Variants in CCNH observed in about 807,000 individuals in gnomAD.
CCNH encodes the protein cyclin H.
A neutral mutation model predicts 41.9 loss-of-function variants in CCNH; 31 were observed. The ratio of observed to expected loss-of-function variants is 0.74; its 90% CI spans 0.56 to 1.00. The LOEUF is 1.00. Ranked by LOEUF, CCNH falls within the 50% of genes least tolerant of loss-of-function variation. The pLI, the probability that CCNH is intolerant of heterozygous loss-of-function variation, is 0.00. For synonymous variants in CCNH, 138 were observed against 136.1 expected, an observed-to-expected ratio of 1.01 and a Z score of -0.10; for missense variants, 362 against 388.4, an observed-to-expected ratio of 0.93 and a Z score of 0.57.
intron 7 of CCNH, among the ~76,000 whole-genome samples, chr5:87,398,240 G>A (rs1333093595): frequency 1.3e-5 from 2 of 152,146 alleles, no homozygotes; most frequent in African/African-American, 2.4e-5. Flanking sequence ...TCCTAAGTCC[G>A]TAGATATTCC....
chr5:87,367,838 A>G (rs989180097), intron 9 of CCNH, among the ~76,000 whole-genome samples: 3 of 152,082 alleles, frequency 2.0e-5, no homozygotes, highest in South Asian at 2.1e-4. Flanking sequence ...TTGTCATTCA[A>G]ATTGTTTCTG....
intron 9 of CCNH, among the ~76,000 whole-genome samples, chr5:87,358,467 T>G (rs1009453126): frequency 5.9e-5 from 9 of 152,178 alleles, no homozygotes; most frequent in Non-Finnish European, 1.2e-4. Flanking sequence ...CTTCCTGTAC[T>G]TTATATCTAA....
downstream of CCNH, chr5:87,374,370 A>G: frequency 6.5e-7 from 1 of 1,533,908 alleles, no homozygotes; most frequent in South Asian, 1.1e-5. Context: ...ACCATATTGC[A>G]TTTCTTTCTG....
chr5:87,389,474 G>A (rs758894954), downstream of CCNH: 17 of 1,614,156 alleles, frequency 1.1e-5, no homozygotes, highest in South Asian at 3.3e-5. Flanking sequence ...TGAGATTTGC[G>A]TGGCTCATTC....
chr5:87,346,226 AAAGT>A (rs1193388499), intron 9 of CCNH, among the ~76,000 whole-genome samples: 1 of 152,050 alleles, frequency 6.6e-6, no homozygotes, highest in African/African-American at 2.4e-5. Context: ...GACTTTCAGC[AAAGT>A]AAGAGTCAAT....
chr5:87,409,709 G>T (rs1025238671), intron 2 of CCNH, among the ~76,000 whole-genome samples: 8 of 151,494 alleles, frequency 5.3e-5, no homozygotes, highest in African/African-American at 1.9e-4. Context: ...GATAAATTCA[G>T]GAAGAAAAAT....
chr5:87,389,047 T>C (rs1418734400), downstream of CCNH, among the ~76,000 whole-genome samples: 2 of 152,212 alleles, frequency 1.3e-5, no homozygotes, highest in Non-Finnish European at 2.9e-5. Context: ...CCATCATTAA[T>C]ACTGAATATT....
At chr5:87,379,130 T>G (rs912841283), upstream of CCNH, among the ~76,000 whole-genome samples, 2 of 152,206 alleles carry the variant, frequency 1.3e-5, no homozygotes, top group Non-Finnish European at 2.9e-5. Flanking sequence ...TTTTTGACAA[T>G]GGACACTGGG....
At chr5:87,412,490 G>A in intron 1 of CCNH, 188 bp downstream of exon 1, 3 of 1,424,310 alleles carry the variant, frequency 2.1e-6, no homozygotes, top group Non-Finnish European at 2.7e-6. Flanking sequence ...CGACGACGGG[G>A]ATGGCGTTGT....
intron 7 of CCNH, among the ~76,000 whole-genome samples, chr5:87,395,696 A>C (rs1399642317): frequency 7.9e-5 from 12 of 152,072 alleles, no homozygotes; most frequent in Non-Finnish European, 1.3e-4. Context: ...ATGTGGCGAA[A>C]CCTCGTCTCT....
chr5:87,373,451 G>C (rs1261654734), downstream of CCNH, among the ~76,000 whole-genome samples: 1 of 151,970 alleles, frequency 6.6e-6, no homozygotes, highest in Non-Finnish European at 1.5e-5. Context: ...GGAGGGTCTT[G>C]GAATCAGTCC....
rs533254382 is a variant in CCNH, at chr5:87,394,888, A to G, written c.933+156T>C. 5.1e-5 allele frequency: 73 copies of G among 1,428,672 alleles called. 1 individual carries two copies. The South Asian group carries it at 1.1e-3, about 21-fold the overall frequency. The allele number at this position is 1,428,672 out of a possible 1,614,324, so 88.5% of individuals were successfully genotyped here. A position where few individuals can be genotyped will look rare whatever the true frequency, so the allele number is the denominator to read the frequency against. On this transcript the variant is annotated intron_variant, in intron 8 of 8. Transcript: ENST00000256897. ...AGAAGAGAGAAAAATCCCTTTAATA[A>G]TGGACAACAGTACTGTACGTAAGGA... is the stretch of plus-strand genomic sequence containing the variant.
chr5:87,349,870 T>C (rs1360267043), intron 9 of CCNH, among the ~76,000 whole-genome samples: 1 of 151,886 alleles, frequency 6.6e-6, no homozygotes, highest in African/African-American at 2.4e-5. Flanking sequence ...AAACTCAGAA[T>C]GAATTATAGT....
chr5:87,394,113 T>C (rs1762728858), downstream of CCNH: 1 of 326,792 alleles, frequency 3.1e-6, no homozygotes, highest in Non-Finnish European at 4.7e-6. Flanking sequence ...TTAACACTTT[T>C]AAAGCTGGCT....
Position 87,412,716 on chromosome 5 carries a change from T to G in CCNH, c.79A>C (p.Asn27His). ...ACGGCTTTGCATCTGAATTTGCGGT[T>G]GGCGTCAGCCCGCAGTCTTGCCAGC... Reference protein sequence around the residue: ...EQLARLRADANRKFRCKAVAN... With the variant: ...EQLARLRADAHRKFRCKAVAN... Residue 27 changes from asparagine to histidine, a missense_variant, in exon 1 of 9, where the codon AAC (asparagine) becomes CAC (histidine). Asn to His is a moderately conservative substitution (Grantham distance 68). Transcript: ENST00000256897. 1 of 1,614,196 alleles carries G rather than the reference T, an allele frequency of 6.2e-7. No individual in the cohort carries two copies. The highest frequency in any genetic ancestry group is 2.2e-5 in the East Asian group (1 of 44,874).
intron 9 of CCNH, among the ~76,000 whole-genome samples, chr5:87,337,475 A>G (rs962546652): frequency 7.2e-5 from 11 of 152,114 alleles, no homozygotes; most frequent in African/African-American, 2.7e-4. Flanking sequence ...TGACATAAGC[A>G]TCTACATCAT....
At chr5:87,320,282 A>G (rs917831611) in intron 9 of CCNH, among the ~76,000 whole-genome samples, 7 of 152,152 alleles carry the variant, frequency 4.6e-5, no homozygotes, top group Admixed American at 3.9e-4. Context: ...GCCTCTGCCT[A>G]TTACCCAGTT....
At chr5:87,368,576 A>T (rs1039961871) in intron 9 of CCNH, among the ~76,000 whole-genome samples, 2 of 152,210 alleles carry the variant, frequency 1.3e-5, no homozygotes, top group African/African-American at 2.4e-5. Context: ...TAGGGTTAGT[A>T]CATCTTGTAA....
downstream of CCNH, among the ~76,000 whole-genome samples, chr5:87,374,530 A>C (rs542227085): frequency 3.7e-5 from 5 of 136,452 alleles, no homozygotes; most frequent in South Asian, 1.2e-3. Context: ...TTTTCCACTT[A>C]GTTATTAACA....
Sources: allele counts gnomAD v4.1 joint callset (sites outside exome capture counted in the v4.1 genomes callset), GRCh38; gene constraint gnomAD v4.1.1; transcripts MANE v1.5; gene names NCBI Gene and HGNC (gene_info 2026-07-23, HGNC 2026-07-21).